The following URI1 variants were observed in gnomAD, a reference collection of about 807,000 sequenced individuals.
The protein encoded by URI1 is unconventional prefoldin RPB5 interactor 1.
A neutral mutation model predicts 60.2 loss-of-function variants in URI1; 39 were observed. The ratio of observed to expected loss-of-function variants is 0.65; its 90% CI spans 0.50 to 0.85. The LOEUF (loss-of-function observed/expected upper bound fraction) is 0.85. Ranked by LOEUF, URI1 falls within the 40% of genes least tolerant of loss-of-function variation. The probability of loss-of-function intolerance (pLI) is 0.00; values close to 1 mark genes in which losing one functional copy is unlikely to be tolerated. For missense variants in URI1, 691 were observed against 665.9 expected, an observed-to-expected ratio of 1.04 and a Z score of -0.42; for synonymous variants, 251 against 236.8, an observed-to-expected ratio of 1.06 and a Z score of -0.55.
chr19:29,936,738 C>T (rs1444640312), intron 1 of URI1, among the ~76,000 whole-genome samples: 1 of 152,056 alleles, frequency 6.6e-6, no homozygotes, highest in Non-Finnish European at 1.5e-5. Flanking sequence ...ATGGATCTAT[C>T]AGGCTCTGTT....
At chr19:29,963,096 A>C (rs1302503812) in intron 1 of URI1, among the ~76,000 whole-genome samples, 1 of 152,018 alleles carries the variant, frequency 6.6e-6, no homozygotes, top group Non-Finnish European at 1.5e-5. Flanking sequence ...TGTGCCTTGA[A>C]ATTTTCTTTG....
rs1446981121 is a variant in URI1, at chr19:29,997,626, G to A, written c.368-7735G>A. 2.6e-5 allele frequency among the ~76,000 whole-genome samples: 4 copies of A among 151,824 alleles called. No homozygotes were observed. The East Asian group carries it at 5.8e-4, about 22-fold the overall frequency. On this transcript the variant is annotated intron_variant, in intron 4 of 10. Coordinates refer to ENST00000392271, the MANE Select transcript of URI1 (RefSeq NM_003796.3). Reference sequence around the variant, plus strand: ...TCTTTTTTTTCCAGTTTCTTAAAGTGTACAGTGAAGTTACTGATTTGAAGT... The same window carrying A: ...TCTTTTTTTTCCAGTTTCTTAAAGTATACAGTGAAGTTACTGATTTGAAGT...
chr19:29,960,453 T>C (rs2055308267), intron 1 of URI1, among the ~76,000 whole-genome samples: 1 of 152,172 alleles, frequency 6.6e-6, no homozygotes, highest in Non-Finnish European at 1.5e-5. Context: ...AGCTATGTTA[T>C]TCATTGTATA....
At chr19:29,942,081 T>C (rs187945160), upstream of URI1, among the ~76,000 whole-genome samples, 23 of 149,710 alleles carry the variant, frequency 1.5e-4, no homozygotes, top group Admixed American at 1.5e-3. Context: ...AAATGTAAGC[T>C]TCCAGAGGGA....
chr19:29,986,448 G>A (rs774592273), intron 4 of URI1, 31 bp downstream of exon 4: 1 of 1,596,248 alleles, frequency 6.3e-7, no homozygotes, highest in African/African-American at 1.4e-5. Context: ...ATGTTTCTTT[G>A]TTGTATATGT....
intron 1 of URI1, among the ~76,000 whole-genome samples, chr19:29,962,543 C>A (rs1882279912): frequency 6.6e-6 from 1 of 151,142 alleles, no homozygotes; most frequent in Non-Finnish European, 1.5e-5. Context: ...TTTTAAACAC[C>A]ACAACACTGT....
intron 1 of URI1, among the ~76,000 whole-genome samples, chr19:29,962,746 A>C (rs544485685): frequency 1.3e-5 from 2 of 152,166 alleles, no homozygotes; most frequent in Admixed American, 1.3e-4. Context: ...TTTTTTTGAT[A>C]AGACATTTTA....
At chr19:29,993,980 A>G (rs1040534496) in intron 4 of URI1, among the ~76,000 whole-genome samples, 1 of 151,960 alleles carries the variant, frequency 6.6e-6, no homozygotes, top group Non-Finnish European at 1.5e-5. Flanking sequence ...CTATTTAGCC[A>G]GTCCTTTACT....
chr19:29,926,270 T>TCCTA (rs1200610707), intron 1 of URI1, among the ~76,000 whole-genome samples: 1 of 142,948 alleles, frequency 7.0e-6, no homozygotes, highest in African/African-American at 2.7e-5. Flanking sequence ...CTTCCTTCCT[T>TCCTA]CCTTCCTTCC....
At chr19:29,964,224 C>T (rs1221108665) in intron 1 of URI1, among the ~76,000 whole-genome samples, 1 of 152,186 alleles carries the variant, frequency 6.6e-6, no homozygotes, top group African/African-American at 2.4e-5. Context: ...CTTGGTCCCT[C>T]TTGTCCTCAC....
At chr19:29,956,374 C>T in intron 1 of URI1, 1 of 1,254,678 alleles carries the variant, frequency 8.0e-7, no homozygotes, top group South Asian at 1.2e-5. Context: ...TAGGAGTCAT[C>T]TGGCATCTTC....
At chr19:29,942,230 A>C (rs999709564), upstream of URI1, 10 of 984,080 alleles carry the variant, frequency 1.0e-5, no homozygotes, top group South Asian at 2.3e-4. Flanking sequence ...GTGCCGCGAG[A>C]GGCGGGGCGT....
intron 1 of URI1, among the ~76,000 whole-genome samples, chr19:29,948,932 C>CT (rs1292368966): frequency 1.2e-4 from 18 of 149,630 alleles, no homozygotes; most frequent in African/African-American, 4.2e-4. Context: ...GAGGCACCCC[C>CT]CACCTCCCAG....
chr19:29,926,291 C>CTTTCCTACCT (rs1555733658), intron 1 of URI1, among the ~76,000 whole-genome samples: 43 of 127,336 alleles, frequency 3.4e-4, no homozygotes, highest in African/African-American at 1.2e-3. Flanking sequence ...TTCCTACCTT[C>CTTTCCTACCT]TTTCCTTCAA....
rs746921538 is a variant in URI1 at position 30,009,321 on chromosome 19, A to G, written c.1003A>G (p.Ile335Val). The part of the protein sequence containing the change: ...LGVGDNSIPT[I>V]YFSHTVEPKR... The stretch of plus-strand genomic sequence containing the variant: ...GGTTGGAGATAATTCTATACCAACA[A>G]TATATTTTTCACATACTGTTGAGCC... Residue 335 changes from isoleucine (I) to valine (V), a missense_variant, in exon 8 of 11, where the codon ATA becomes GTA. Physicochemically the swap from Ile to Val is conservative, Grantham distance 29. Transcript: ENST00000392271. 1.4e-5 allele frequency: 23 copies of G among 1,613,916 alleles called. No homozygotes were observed. In the Admixed American group the frequency reaches 2.0e-4, roughly 14 times the overall value.
intron 1 of URI1, among the ~76,000 whole-genome samples, chr19:29,961,980 C>T (rs886854215): frequency 3.9e-5 from 6 of 152,164 alleles, no homozygotes; most frequent in Non-Finnish European, 7.3e-5. Context: ...CCACTGCGCC[C>T]GGCTGCTTTC....
rs141106942 is a variant in URI1, at chr19:29,956,921, C to T, written c.117+14257C>T. 1.2e-3 allele frequency: 1,289 copies of T among 1,100,798 alleles called. 12 individuals carry two copies. The African/African-American group carries it at 0.017, about 15-fold the overall frequency. The allele number at this position is 1,100,798 out of a possible 1,614,324, so 68.2% of individuals were successfully genotyped here. On this transcript the variant is annotated intron_variant, in intron 1 of 10. Transcript: ENST00000392271. ...TCTGGGGCCCTTTATGATAACTGTG[C>T]GTCCCTTCAGAGTAACGTTGACATT...
chr19:29,985,728 A>C (rs1052656358), intron 3 of URI1, among the ~76,000 whole-genome samples: 1 of 152,194 alleles, frequency 6.6e-6, no homozygotes, highest in Non-Finnish European at 1.5e-5. Context: ...TCACATCGAC[A>C]TAGTGATCTG....
intron 10 of URI1, among the ~76,000 whole-genome samples, chr19:30,013,955 CGTT>C (rs1236638024): frequency 1.3e-5 from 2 of 150,446 alleles, no homozygotes; most frequent in Non-Finnish European, 3.0e-5. Flanking sequence ...TTAGGTGTTA[CGTT>C]GTTTTAACTA....
Sources: gnomAD v4.1 joint callset for allele counts (sites outside exome capture counted in the v4.1 genomes callset) on GRCh38, gnomAD v4.1.1 for gene constraint, MANE v1.5 for transcripts, NCBI Gene and HGNC (gene_info 2026-07-23, HGNC 2026-07-21) for gene names.